IL26: variants seen among roughly 807,000 people sequenced by gnomAD.
IL26 encodes interleukin 26, also known as interleukin-26.
In IL26, 23 loss-of-function variants were observed where a neutral mutation model predicts 21.7. The ratio of observed to expected loss-of-function variants is 1.06; its 90% CI spans 0.76 to 1.50. IL26 has a LOEUF of 1.50. IL26 is among the 40% of genes most tolerant of loss of function. IL26 has a pLI of 0.00. For synonymous variants in IL26, 63 were observed against 67.8 expected (o/e 0.93, Z 0.34); for missense variants, 204 against 196.0 (o/e 1.04, Z -0.24).
At chr12:68,213,674 T>A (rs1868795972) in intron 3 of IL26, among the ~76,000 whole-genome samples, 1 of 152,108 alleles carries the variant, frequency 6.6e-6, no homozygotes, top group African/African-American at 2.4e-5. Flanking sequence ...TTCCGTAATA[T>A]TCTGTAATTC....
At position 68,225,604 on chromosome 12, in the gene IL26, C is replaced by A. The variant is rs1314173341; in HGVS notation, c.153G>T (p.Trp51Cys). ...AVDALYIKAA[W>C]LKATIPEDRI... ...TACTTACTGGAATCGTTGCTTTGAGCCATGCTGCTTTGATATAGAGAGCGT... is the reference window on the plus strand; with the variant it reads ...TACTTACTGGAATCGTTGCTTTGAGACATGCTGCTTTGATATAGAGAGCGT... Residue 51 changes from tryptophan to cysteine, a missense_variant, in exon 1 of 5, where the codon TGG becomes TGT. Transcript: ENST00000229134. The A allele has an allele frequency of 6.2e-7, 1 of 1,613,864 alleles. No homozygotes were observed. Among genetic ancestry groups the A allele is most frequent in the Non-Finnish European group, 8.5e-7 (1 of 1,179,812 alleles).
In IL26 at chr12:68,202,004, T is replaced by C; in HGVS notation, c.429+14A>G. 2 of 1,553,252 alleles carry C rather than the reference T, an allele frequency of 1.3e-6. No individual in the cohort carries two copies. The highest frequency in any genetic ancestry group is 1.8e-6 in the Non-Finnish European group (2 of 1,141,838). ...AAAACAAAGTTTTTTAATATAAGGA[T>C]TTAGAATTCTTACCCTATAAAATAT... is the stretch of plus-strand genomic sequence containing the variant. On this transcript the variant is annotated intron_variant, in intron 4 of 4. Transcript: ENST00000229134.
chr12:68,206,455 A>G (rs1455820510), intron 3 of IL26, among the ~76,000 whole-genome samples: 5 of 152,192 alleles, frequency 3.3e-5, no homozygotes, highest in Non-Finnish European at 5.9e-5. Flanking sequence ...AAAAAACGTT[A>G]AAAGGCAGTT....
chr12:68,219,202 TACTC>T (rs1379203013), intron 3 of IL26, among the ~76,000 whole-genome samples: 18 of 152,118 alleles, frequency 1.2e-4, no homozygotes, highest in African/African-American at 3.4e-4. Context: ...ATGTATAAAA[TACTC>T]AGCCCAACAA....
At position 68,225,514 on chromosome 12, in the gene IL26, A is replaced by G. The variant is rs770142537; in HGVS notation, c.172-14T>C. On this transcript the variant is annotated splice_polypyrimidine_tract_variant and intron_variant, in intron 1 of 4. Transcript: ENST00000229134. The stretch of plus-strand genomic sequence containing the variant: ...TATGCGGTCTTCCTACAATAATACA[A>G]AGAGAAATAAGTTGTATCCAAGATT... 1.2e-6 allele frequency: 2 copies of G among 1,600,118 alleles called. No homozygotes were observed. The highest frequency in any genetic ancestry group is 2.2e-5 in the South Asian group (2 of 90,172).
chr12:68,208,222 G>T (rs938088128), intron 3 of IL26, among the ~76,000 whole-genome samples: 2 of 152,108 alleles, frequency 1.3e-5, no homozygotes, highest in African/African-American at 4.8e-5. Flanking sequence ...AAGTCTTCCA[G>T]AAGAAAAAAA....
At chr12:68,206,651 C>A (rs564158169) in intron 3 of IL26, among the ~76,000 whole-genome samples, 1 of 152,208 alleles carries the variant, frequency 6.6e-6, no homozygotes, top group Non-Finnish European at 1.5e-5. Flanking sequence ...TGATCATAAA[C>A]CTGACTGCAT....
At chr12:68,213,643 C>G (rs969202018) in intron 3 of IL26, among the ~76,000 whole-genome samples, 4 of 151,910 alleles carry the variant, frequency 2.6e-5, no homozygotes, top group African/African-American at 9.7e-5. Context: ...TCTAAGTTTT[C>G]CAATTTGTTA....
chr12:68,218,458 A>T (rs1446353327), intron 3 of IL26, among the ~76,000 whole-genome samples: 1 of 152,206 alleles, frequency 6.6e-6, no homozygotes, highest in African/African-American at 2.4e-5. Context: ...TCTGAATGGG[A>T]CTAACAGATA....
At chr12:68,203,008 A>G (rs1868430032) in intron 3 of IL26, among the ~76,000 whole-genome samples, 1 of 152,240 alleles carries the variant, frequency 6.6e-6, no homozygotes, top group Non-Finnish European at 1.5e-5. Context: ...CAAGAAAAAA[A>G]AATTACCTTT....
rs1868706163 is a variant in IL26, at chr12:68,210,776, AG to A, written c.364-8694del. Among the ~76,000 whole-genome samples, 4 of 152,130 alleles carry A rather than the reference AG, an allele frequency of 2.6e-5. No individual in the cohort carries two copies. The South Asian group carries it at 6.2e-4, about 24-fold the overall frequency. On this transcript the variant is annotated intron_variant, in intron 3 of 4. Transcript: ENST00000229134. ...CATGTTCCAACCATAGAAAAAAATT[AG>A]AAAGAGTTTTTTTAATACTTTAAAT...
chr12:68,209,936 T>C (rs1018841554), intron 3 of IL26, among the ~76,000 whole-genome samples: 2 of 152,144 alleles, frequency 1.3e-5, no homozygotes, highest in African/African-American at 4.8e-5. Flanking sequence ...AGAGGGTAAG[T>C]GAAAAACCAT....
At chr12:68,225,021 A>G in intron 3 of IL26, 128 bp downstream of exon 3, 2 of 841,392 alleles carry the variant, frequency 2.4e-6, no homozygotes, top group South Asian at 2.1e-5. Flanking sequence ...TGACCTCTCC[A>G]TTTGGACTAC....
intron 3 of IL26, among the ~76,000 whole-genome samples, chr12:68,205,952 A>T (rs11570956): frequency 3.3e-5 from 5 of 152,308 alleles, no homozygotes; most frequent in Non-Finnish European, 7.4e-5. Context: ...ATCTCCATCA[A>T]GTCGTCTTCT....
chr12:68,219,217 T>C (rs1342556026), intron 3 of IL26, among the ~76,000 whole-genome samples: 1 of 151,990 alleles, frequency 6.6e-6, no homozygotes, highest in Non-Finnish European at 1.5e-5. Context: ...AGCCCAACAA[T>C]GGCAGAATAC....
chr12:68,214,587 G>T (rs2120452220), intron 3 of IL26, among the ~76,000 whole-genome samples: 1 of 152,226 alleles, frequency 6.6e-6, no homozygotes, highest in East Asian at 1.9e-4. Flanking sequence ...ATTATATAGT[G>T]ACTTTCTACC....
intron 3 of IL26, among the ~76,000 whole-genome samples, chr12:68,217,577 A>T (rs924803944): frequency 3.3e-5 from 5 of 152,166 alleles, no homozygotes; most frequent in African/African-American, 1.2e-4. Flanking sequence ...ATCCCAGCTT[A>T]TGAGTAAAGA....
At chr12:68,224,037 A>ACTC (rs1463047315) in intron 3 of IL26, among the ~76,000 whole-genome samples, 1 of 86,632 alleles carries the variant, frequency 1.2e-5, no homozygotes, top group African/African-American at 7.3e-5. Context: ...TAAAAAATAA[A>ACTC]CACCCCCCCC....
intron 3 of IL26, among the ~76,000 whole-genome samples, chr12:68,208,283 T>G (rs1868599655): frequency 6.6e-6 from 1 of 151,964 alleles, no homozygotes; most frequent in South Asian, 2.1e-4. Flanking sequence ...AAGAGATGAG[T>G]AGGCAGGGAA....
Sources: gnomAD v4.1 joint callset for allele counts (sites outside exome capture counted in the v4.1 genomes callset) on GRCh38, gnomAD v4.1.1 for gene constraint, MANE v1.5 for transcripts, NCBI Gene and HGNC (gene_info 2026-07-23, HGNC 2026-07-21) for gene names.